The following KCNQ5 variants were observed in gnomAD, a reference collection of about 807,000 sequenced individuals.
KCNQ5 encodes potassium voltage-gated channel subfamily Q member 5.
In KCNQ5, 30 loss-of-function variants were observed where a neutral mutation model predicts 98.2. The observed-to-expected ratio is 0.31, with a 90% CI of 0.23 to 0.41. The LOEUF (loss-of-function observed/expected upper bound fraction) is 0.41, where lower values mean the gene tolerates loss of function less well. Ranked by LOEUF, KCNQ5 falls within the 10% of genes least tolerant of loss-of-function variation. The pLI is 1.00. For synonymous variants in KCNQ5, 458 were observed against 449.4 expected, an observed-to-expected ratio of 1.02 and a Z score of -0.24; for missense variants, 835 against 1,182.5, an observed-to-expected ratio of 0.71 and a Z score of 4.31.
At chr6:73,012,903 G>A (rs1770151608) in intron 2 of KCNQ5, among the ~76,000 whole-genome samples, 1 of 151,680 alleles carries the variant, frequency 6.6e-6, no homozygotes, top group South Asian at 2.1e-4. Flanking sequence ...ACTTCATAAG[G>A]CTGATGTGAA....
chr6:72,924,036 A>G (rs548095168), intron 1 of KCNQ5, among the ~76,000 whole-genome samples: 1 of 152,324 alleles, frequency 6.6e-6, no homozygotes, highest in South Asian at 2.1e-4. Context: ...ACATTTTGCT[A>G]ATACTTTATG....
rs1054183890 is a variant in KCNQ5 at position 72,984,146 on chromosome 6, A to G, written c.399-19762A>G. ...CGGCCCCTACTGGGAGCTGTCTCCC[A>G]GTTAGGCTACATGGGGGTCAGGGAC... On this transcript the variant is annotated intron_variant, in intron 1 of 13. Coordinates refer to ENST00000370398, the MANE Select transcript of KCNQ5 (RefSeq NM_019842.4). Among the ~76,000 whole-genome samples, 16 of 152,290 alleles carry G rather than the reference A, an allele frequency of 1.1e-4. No homozygotes were observed. The East Asian group carries it at 2.1e-3, about 20-fold the overall frequency.
intron 1 of KCNQ5, among the ~76,000 whole-genome samples, chr6:72,921,055 G>T (rs1402800528): frequency 1.3e-5 from 2 of 152,112 alleles, no homozygotes; most frequent in African/African-American, 4.8e-5. Flanking sequence ...CTGCCAGAAA[G>T]GGGCTTATTG....
intron 10 of KCNQ5, among the ~76,000 whole-genome samples, chr6:73,166,592 T>C (rs2150500213): frequency 6.6e-6 from 1 of 152,242 alleles, no homozygotes; most frequent in Middle Eastern, 3.4e-3. Context: ...GGGAAAGTTT[T>C]CCCAGCTGTA....
chr6:72,648,956 G>A (rs1158097304), intron 1 of KCNQ5, among the ~76,000 whole-genome samples: 1 of 152,126 alleles, frequency 6.6e-6, no homozygotes, highest in Non-Finnish European at 1.5e-5. Flanking sequence ...TCAGGACCCA[G>A]TTTTAGTTCA....
At chr6:72,864,086 C>T (rs2150155536) in intron 1 of KCNQ5, among the ~76,000 whole-genome samples, 1 of 152,246 alleles carries the variant, frequency 6.6e-6, no homozygotes, top group East Asian at 1.9e-4. Context: ...TACCCTGCTG[C>T]CCATGTCATA....
chr6:73,078,441 TA>T (rs1167613634), intron 5 of KCNQ5, among the ~76,000 whole-genome samples: 2 of 152,156 alleles, frequency 1.3e-5, no homozygotes, highest in Admixed American at 6.5e-5. Context: ...ATAAATAAAG[TA>T]AAATCATGAT....
intron 13 of KCNQ5, 68 bp from the exon 14 acceptor site, chr6:73,194,384 A>T: frequency 4.2e-6 from 6 of 1,437,316 alleles, no homozygotes; most frequent in Non-Finnish European, 5.6e-6. Context: ...CATTTTTCAA[A>T]ATTAAAAAAT....
In KCNQ5 at chr6:72,622,253, G is replaced by T. The variant is rs553979044; in HGVS notation, c.64G>T (p.Ala22Ser). Residue 22 changes from alanine to serine, a missense_variant, in exon 1 of 14, where the codon GCA becomes TCA. Coordinates refer to ENST00000370398, the MANE Select transcript of KCNQ5 (RefSeq NM_019842.4). The surrounding 1 kb of genome is among the most constrained non-coding windows in gnomAD (Gnocchi z 6.0). ...GAAGLWVKSG[A>S]AAAAAGGGRL... is the part of the protein sequence containing the mutation. ...CGCCGGGCTCTGGGTGAAGAGCGGC[G>T]CAGCGGCGGCGGCGGCGGGCGGGGG... 4 of 1,266,526 alleles carry T rather than the reference G, an allele frequency of 3.2e-6. No individual in the cohort carries two copies. The highest frequency in any genetic ancestry group is 4.0e-6 in the Non-Finnish European group (4 of 1,010,510). 78.5% of individuals were successfully genotyped at this position (1,266,526 alleles called of 1,614,324 possible).
chr6:72,974,371 G>T (rs1307446423), intron 1 of KCNQ5, among the ~76,000 whole-genome samples: 1 of 144,902 alleles, frequency 6.9e-6, no homozygotes, highest in African/African-American at 2.7e-5. Context: ...CCTACAGATG[G>T]CAATAACTAG....
intron 1 of KCNQ5, among the ~76,000 whole-genome samples, chr6:72,648,774 ATT>A (rs779577842): frequency 7.7e-5 from 10 of 129,876 alleles, no homozygotes; most frequent in Non-Finnish European, 1.1e-4. Flanking sequence ...ATGGGCCTTC[ATT>A]TTTTTTTTTT....
In KCNQ5 at chr6:73,197,381, T is replaced by G. The variant is rs1765824511; in HGVS notation, c.*1967T>G. On this transcript the variant is annotated 3_prime_UTR_variant, in exon 14 of 14. Coordinates refer to ENST00000370398, the MANE Select transcript of KCNQ5 (RefSeq NM_019842.4). Reference sequence around the variant, plus strand: ...CATCCCACTTGGATTCTAAGACAATTAGAATCATTTAGAATCTTTTTGGCT... The same window carrying G: ...CATCCCACTTGGATTCTAAGACAATGAGAATCATTTAGAATCTTTTTGGCT... 1 of 152,182 alleles carries G rather than the reference T, an allele frequency of 6.6e-6. No individual in the cohort carries two copies. The highest frequency in any genetic ancestry group is 1.5e-5 in the Non-Finnish European group (1 of 68,030). The allele number at this position is 152,182 out of a possible 1,614,324, so 9.4% of individuals were successfully genotyped here.
intron 1 of KCNQ5, among the ~76,000 whole-genome samples, chr6:72,803,333 C>T (rs1024853477): frequency 6.6e-6 from 1 of 152,184 alleles, no homozygotes; most frequent in African/African-American, 2.4e-5. Context: ...GGAGAAAAGT[C>T]ACCTCACTGC....
At chr6:72,903,767 G>C (rs1218392629) in intron 1 of KCNQ5, among the ~76,000 whole-genome samples, 1 of 152,142 alleles carries the variant, frequency 6.6e-6, no homozygotes, top group Non-Finnish European at 1.5e-5. Context: ...CTATCTTGGA[G>C]AAAGTTCCAT....
At chr6:73,043,970 A>G (rs1324579005) in intron 3 of KCNQ5, among the ~76,000 whole-genome samples, 2 of 152,090 alleles carry the variant, frequency 1.3e-5, no homozygotes, top group African/African-American at 2.4e-5. Context: ...TTGCCTTTGG[A>G]TGTATCAATA....
At chr6:72,894,233 CAT>C (rs1483642333) in intron 1 of KCNQ5, among the ~76,000 whole-genome samples, 1 of 152,066 alleles carries the variant, frequency 6.6e-6, no homozygotes, top group African/African-American at 2.4e-5. Context: ...TCCTGGGAAA[CAT>C]AGCTTATACT....
intron 12 of KCNQ5, 32 bp from the exon 13 acceptor site, chr6:73,192,533 C>G (rs751137091): frequency 1.9e-6 from 3 of 1,568,588 alleles, no homozygotes; most frequent in Non-Finnish European, 2.6e-6. Context: ...CACCTTCAGC[C>G]CTCATAATCA....
chr6:73,124,936 G>T (rs1446603038), intron 9 of KCNQ5, among the ~76,000 whole-genome samples: 1 of 76,296 alleles, frequency 1.3e-5, no homozygotes, highest in East Asian at 3.7e-4. Flanking sequence ...CTTTTGGAGT[G>T]ATATATATAT....
chr6:73,091,338 G>A (rs559684418), intron 5 of KCNQ5, among the ~76,000 whole-genome samples: 1 of 152,212 alleles, frequency 6.6e-6, no homozygotes, highest in African/African-American at 2.4e-5. Context: ...AGGGGGCTGG[G>A]GGAGGGATAG....
Sources: gnomAD v4.1 joint callset for allele counts (sites outside exome capture counted in the v4.1 genomes callset) on GRCh38, gnomAD v4.1.1 for gene constraint, Gnocchi (gnomAD v3.1) non-coding constraint, MANE v1.5 for transcripts, NCBI Gene and HGNC (gene_info 2026-07-23, HGNC 2026-07-21) for gene names.